The following RPN2 variants were observed in gnomAD, a reference collection of about 807,000 sequenced individuals.
The protein encoded by RPN2 is ribophorin II.
A neutral mutation model predicts 71.4 loss-of-function variants in RPN2; 29 were observed. The observed-to-expected ratio is 0.41, with a 90% CI of 0.30 to 0.55. The LOEUF (loss-of-function observed/expected upper bound fraction) is 0.55. Among genes scored for constraint, RPN2 ranks in the 20% least tolerant of loss-of-function variants. RPN2 has a pLI of 0.35. For synonymous variants in RPN2, 308 were observed against 305.0 expected (o/e 1.01, Z -0.10); for missense variants, 726 against 774.1 (o/e 0.94, Z 0.74).
intron 1 of RPN2, chr20:37,179,633 C>G: frequency 2.6e-6 from 2 of 779,394 alleles, no homozygotes; most frequent in South Asian, 2.5e-5. Flanking sequence ...GTGGGGACCG[C>G]GGACGCGCTT....
rs1161483627 is a variant in RPN2 at position 37,241,496 on chromosome 20, G to C, written c.*181G>C. On this transcript the variant is annotated 3_prime_UTR_variant, in exon 17 of 17. Coordinates refer to ENST00000237530, the MANE Select transcript of RPN2 (RefSeq NM_002951.5). ...CCAACACACAGCAGATACCTGGTGA[G>C]CTCAGATAGTCTCTTTCTCTGACAC... 2.0e-5 allele frequency: 14 copies of C among 685,186 alleles called. No homozygotes were observed. The East Asian group carries it at 3.8e-4, about 19-fold the overall frequency. 42.4% of individuals were successfully genotyped at this position (685,186 alleles called of 1,614,324 possible).
chr20:37,222,955 T>C (rs555075973), intron 9 of RPN2, among the ~76,000 whole-genome samples: 1 of 152,372 alleles, frequency 6.6e-6, no homozygotes, highest in East Asian at 1.9e-4. Context: ...TTTGTGCTTA[T>C]AACAAACTCC....
At position 37,195,641 on chromosome 20, in the gene RPN2, G is replaced by A. The variant is rs892159953; in HGVS notation, c.208-2756G>A. Among the ~76,000 whole-genome samples, 6 of 152,222 alleles carry A rather than the reference G, an allele frequency of 3.9e-5. No homozygotes were observed. The East Asian group carries it at 1.2e-3, about 29-fold the overall frequency. ...TAGAACAGCGTTTGACACATTTTAA[G>A]TGCTCAGAAAGAGGTAATGATAGAG... is the stretch of plus-strand genomic sequence containing the variant. On this transcript the variant is annotated intron_variant, in intron 2 of 16. Coordinates refer to ENST00000237530, the MANE Select transcript of RPN2 (RefSeq NM_002951.5).
chr20:37,202,730 G>A (rs2067420736), intron 4 of RPN2, among the ~76,000 whole-genome samples: 1 of 152,172 alleles, frequency 6.6e-6, no homozygotes, highest in South Asian at 2.1e-4. Flanking sequence ...AAAGAATGAA[G>A]TGCAGATACG....
chr20:37,234,148 C>T, intron 15 of RPN2, 53 bp downstream of exon 15: 1 of 1,574,172 alleles, frequency 6.4e-7, no homozygotes, highest in Non-Finnish European at 8.7e-7. Context: ...ATTTAGCCTG[C>T]CCACGCAAAA....
chr20:37,229,949 T>C (rs2068193154), intron 12 of RPN2, 24 bp from the exon 13 acceptor site: 2 of 1,580,304 alleles, frequency 1.3e-6, no homozygotes, highest in Non-Finnish European at 1.7e-6. Context: ...CCTGTGCTTT[T>C]ACAGACTGTC....
intron 2 of RPN2, among the ~76,000 whole-genome samples, chr20:37,191,993 C>T (rs976908583): frequency 6.7e-6 from 1 of 148,478 alleles, no homozygotes; most frequent in African/African-American, 2.5e-5. Flanking sequence ...ATTTAGGTGG[C>T]TGAGGCAGAA....
intron 2 of RPN2, among the ~76,000 whole-genome samples, chr20:37,187,566 A>T (rs2067036837): frequency 6.6e-6 from 1 of 151,566 alleles, no homozygotes; most frequent in Admixed American, 6.6e-5. Context: ...TACATCTGTC[A>T]TCTTGTTATT....
rs2068404979 is a variant in RPN2, at chr20:37,236,716, C to G, written c.1883+7C>G. ...CCCAGCAGGCAGTCAAGAGGTAAGG[C>G]CAGACATGAGCCAGGGATCTAGAGT... On this transcript the variant is annotated splice_region_variant and intron_variant, in intron 16 of 16. Coordinates refer to ENST00000237530, the MANE Select transcript of RPN2 (RefSeq NM_002951.5). 1.2e-6 allele frequency: 2 copies of G among 1,613,764 alleles called. No homozygotes were observed. The highest frequency in any genetic ancestry group is 1.7e-6 in the Non-Finnish European group (2 of 1,179,712).
rs114917981 is a variant in RPN2 at position 37,228,622 on chromosome 20, G to A, written c.1372G>A (p.Val458Met). 1.5e-4 allele frequency: 246 copies of A among 1,614,218 alleles called. No homozygotes were observed. The African/African-American group carries it at 2.8e-3, about 19-fold the overall frequency. Reference sequence around the variant, plus strand: ...TGTTGCCGAGCCAGACAACAAGAACGTGTACAAGTTTGAACTGGATACCTC... The same window carrying A: ...TGTTGCCGAGCCAGACAACAAGAACATGTACAAGTTTGAACTGGATACCTC... ...VFVAEPDNKN[V>M]YKFELDTSER... The change falls in exon 12 of 17, where the codon GTG (valine) becomes ATG (methionine). Residue 458 changes from valine to methionine, a missense_variant. Physicochemically the swap from Val to Met is conservative, Grantham distance 21 (BLOSUM62 1). Transcript: ENST00000237530.
chr20:37,228,668 ACTCTGC>A lies in RPN2; in HGVS notation c.1424_1429del (p.Ala475_Ser476del). On this transcript the variant is annotated inframe_deletion, in exon 12 of 17. Transcript: ENST00000237530. ...ACCTCTGAAAGAAAGATTGAATTTG[ACTCTGC>A]CTCTGGCACCTACACTCTCTACTTA... 1 of 1,614,118 alleles carries A rather than the reference ACTCTGC, an allele frequency of 6.2e-7. No homozygotes were observed.
At chr20:37,212,955 T>G (rs1448052501) in intron 8 of RPN2, among the ~76,000 whole-genome samples, 1 of 152,214 alleles carries the variant, frequency 6.6e-6, no homozygotes, top group Non-Finnish European at 1.5e-5. Flanking sequence ...GATTTTACTA[T>G]ATAGTTAGAG....
chr20:37,216,967 A>G (rs1016225070), intron 9 of RPN2, among the ~76,000 whole-genome samples: 3 of 146,862 alleles, frequency 2.0e-5, no homozygotes, highest in Non-Finnish European at 3.0e-5. Flanking sequence ...GTCTCATTCT[A>G]CCACCCAGGC....
intron 15 of RPN2, among the ~76,000 whole-genome samples, chr20:37,235,265 ATAG>A (rs1395271003): frequency 6.6e-6 from 1 of 152,188 alleles, no homozygotes; most frequent in Non-Finnish European, 1.5e-5. Flanking sequence ...GATATGTATG[ATAG>A]CCCTCTGGGG....
At chr20:37,205,765 T>A (rs2067497539) in intron 6 of RPN2, among the ~76,000 whole-genome samples, 1 of 152,244 alleles carries the variant, frequency 6.6e-6, no homozygotes, top group South Asian at 2.1e-4. Context: ...AGAAATATAC[T>A]CCCTTTTAAT....
chr20:37,210,418 A>G (rs2067630144), intron 8 of RPN2, among the ~76,000 whole-genome samples: 1 of 151,958 alleles, frequency 6.6e-6, no homozygotes, highest in African/African-American at 2.4e-5. Context: ...ATATTTATTG[A>G]TTTTTTTCTG....
chr20:37,210,295 G>A lies in RPN2; in HGVS notation c.986+130G>A, dbSNP rs2067626532. The stretch of plus-strand genomic sequence containing the variant: ...CTACTGGTATCGAAAGCCTACAGTC[G>A]AATGTAAGAAAATGATTTTTAAAAT... On this transcript the variant is annotated intron_variant, in intron 8 of 16. Transcript: ENST00000237530. 6 of 1,507,768 alleles carry A rather than the reference G, an allele frequency of 4.0e-6. 1 individual carries two copies. The highest frequency in any genetic ancestry group is 4.5e-6 in the Non-Finnish European group (5 of 1,110,416). The allele number at this position is 1,507,768 out of a possible 1,614,324, so 93.4% of individuals were successfully genotyped here. A position where few individuals can be genotyped will look rare whatever the true frequency, so the allele number is the denominator to read the frequency against.
At chr20:37,189,542 C>T (rs971811083) in intron 2 of RPN2, among the ~76,000 whole-genome samples, 1 of 152,222 alleles carries the variant, frequency 6.6e-6, no homozygotes, top group Non-Finnish European at 1.5e-5. Flanking sequence ...AACCAGCTCT[C>T]CGTTTCTGCC....
intron 9 of RPN2, among the ~76,000 whole-genome samples, chr20:37,214,458 T>C (rs2067757573): frequency 6.6e-6 from 1 of 152,244 alleles, no homozygotes; most frequent in Non-Finnish European, 1.5e-5. Context: ...TTTTCCCAGC[T>C]AATTGAAATT....
Sources: gnomAD v4.1 joint callset for allele counts (sites outside exome capture counted in the v4.1 genomes callset) on GRCh38, gnomAD v4.1.1 for gene constraint, MANE v1.5 for transcripts, NCBI Gene and HGNC (gene_info 2026-07-23, HGNC 2026-07-21) for gene names.